The following ADGRG5 variants were observed in gnomAD, a reference collection of about 807,000 sequenced individuals.
ADGRG5 encodes adhesion G protein-coupled receptor G5.
Under a neutral mutation model 53.2 loss-of-function variants are expected in ADGRG5, and 37 were observed. That is an observed-to-expected ratio of 0.70 (90% CI 0.53 to 0.91). The LOEUF (loss-of-function observed/expected upper bound fraction) is 0.91, where lower values mean the gene tolerates loss of function less well. Ranked by LOEUF, ADGRG5 falls within the 40% of genes least tolerant of loss-of-function variation. The probability of loss-of-function intolerance (pLI) is 0.00; values close to 1 mark genes in which losing one functional copy is unlikely to be tolerated. For synonymous variants in ADGRG5, 277 were observed against 290.4 expected (o/e 0.95, Z 0.47); for missense variants, 614 against 675.8 (o/e 0.91, Z 1.01).
At chr16:57,534,890 G>T in the ADGRG5 span, among the ~76,000 whole-genome samples, 2 of 152,224 alleles carry the variant, frequency 1.3e-5, no homozygotes, top group Non-Finnish European at 2.9e-5. Flanking sequence ...ACTGGGAACA[G>T]CGTTGTGTTT....
In ADGRG5 at chr16:57,575,818, C is replaced by G. The variant is rs1271564958; in HGVS notation, c.*280C>G. On this transcript the variant is annotated 3_prime_UTR_variant, in exon 12 of 12. Coordinates refer to ENST00000349457, the MANE Select transcript of ADGRG5 (RefSeq NM_001304376.3). Reference sequence around the variant, plus strand: ...CTCGCCAGGGATGTGGGCAGAGCACCAGCCTGGGCATCAGGAAGCCAAGTT... The same window carrying G: ...CTCGCCAGGGATGTGGGCAGAGCACGAGCCTGGGCATCAGGAAGCCAAGTT... 21 of 418,526 alleles carry G rather than the reference C, an allele frequency of 5.0e-5. 1 individual carries two copies. Among genetic ancestry groups the G allele is most frequent in the Admixed American group, 3.8e-4 (11 of 28,796 alleles). 25.9% of individuals were successfully genotyped at this position (418,526 alleles called of 1,614,324 possible).
the ADGRG5 span, among the ~76,000 whole-genome samples, chr16:57,535,700 T>C: frequency 2.0e-5 from 3 of 148,572 alleles, no homozygotes; most frequent in Admixed American, 1.3e-4. Flanking sequence ...ATCCCGCTAG[T>C]CCCAGCTCCA....
chr16:57,549,429 C>G (rs1297184136), intron 1 of ADGRG5, among the ~76,000 whole-genome samples: 1 of 152,196 alleles, frequency 6.6e-6, no homozygotes, highest in African/African-American at 2.4e-5. Flanking sequence ...TTGTGGCTCT[C>G]CCTCTTGAAG....
chr16:57,563,581 G>C lies in ADGRG5; in HGVS notation c.298-267G>C, dbSNP rs189358830. Among the ~76,000 whole-genome samples, 481 of 152,354 alleles carry C rather than the reference G, an allele frequency of 3.2e-3. 14 individuals carry two copies. The highest frequency in any genetic ancestry group is 0.024 in the Admixed American group (365 of 15,312). ...GGGGTGATCAGCTGGATCCCTGGCA[G>C]GGGCTGGGGCTGGTGCTGGGGCTGG... On this transcript the variant is annotated intron_variant, in intron 4 of 11. Coordinates refer to ENST00000349457, the MANE Select transcript of ADGRG5 (RefSeq NM_001304376.3).
intron 1 of ADGRG5, among the ~76,000 whole-genome samples, chr16:57,553,110 G>GTAT (rs1278420398): frequency 6.6e-6 from 1 of 152,070 alleles, no homozygotes; most frequent in African/African-American, 2.4e-5. Context: ...ACCACAGCAG[G>GTAT]TATAATAATA....
intron 1 of ADGRG5, among the ~76,000 whole-genome samples, chr16:57,546,823 A>G (rs1442670750): frequency 2.0e-5 from 3 of 152,122 alleles, no homozygotes; most frequent in Admixed American, 6.6e-5. Flanking sequence ...GGCTCAAGTG[A>G]TCCTCCCACC....
intron 3 of ADGRG5, 47 bp from the exon 4 acceptor site, chr16:57,563,044 A>AC: frequency 6.2e-7 from 1 of 1,610,010 alleles, no homozygotes; most frequent in Admixed American, 1.7e-5. Context: ...TCTCACCCTT[A>AC]CCCCACTCCG....
At chr16:57,571,136 T>C (rs1324678581) in intron 10 of ADGRG5, among the ~76,000 whole-genome samples, 1 of 152,080 alleles carries the variant, frequency 6.6e-6, no homozygotes, top group Non-Finnish European at 1.5e-5. Context: ...AGACATAGAC[T>C]AGCCTAAGGA....
At chr16:57,566,888 G>T (rs1596791928) in intron 7 of ADGRG5, 137 bp downstream of exon 7, 1 of 742,066 alleles carries the variant, frequency 1.3e-6, no homozygotes, top group East Asian at 3.2e-5. Flanking sequence ...AAAACTTTAT[G>T]GACTCATGTT....
chr16:57,539,124 T>C (rs1326061555), upstream of ADGRG5, among the ~76,000 whole-genome samples: 1 of 152,192 alleles, frequency 6.6e-6, no homozygotes, highest in East Asian at 1.9e-4. Flanking sequence ...ATTATACACA[T>C]AGTGGAATGT....
Position 57,574,961 on chromosome 16 carries a change from C to T in ADGRG5, c.1355C>T (p.Ala452Val). The change falls in exon 11 of 12, where the codon GCC (alanine) becomes GTC (valine). Residue 452 changes from alanine to valine, a missense_variant. Physicochemically the swap from Ala to Val is moderately conservative, Grantham distance 64 (BLOSUM62 0). Coordinates refer to ENST00000349457, the MANE Select transcript of ADGRG5 (RefSeq NM_001304376.3). The surrounding 1 kb of genome is among the most constrained non-coding windows in gnomAD (Gnocchi z 4.4). ...CGGGCGGATGCACCAAGTGTCAGGG[C>T]CTGCCATGACACTGTCACTGTGCTG... is the stretch of plus-strand genomic sequence containing the variant. The part of the protein sequence containing the change: ...RERADAPSVR[A>V]CHDTVTVLGL... 1 of 1,613,768 alleles carries T rather than the reference C, an allele frequency of 6.2e-7. No homozygotes were observed. Among genetic ancestry groups the T allele is most frequent in the South Asian group, 1.1e-5 (1 of 91,084 alleles).
chr16:57,546,238 C>T (rs1055098883), intron 1 of ADGRG5, among the ~76,000 whole-genome samples: 1 of 152,202 alleles, frequency 6.6e-6, no homozygotes, highest in Non-Finnish European at 1.5e-5. Context: ...ATCCTCTCAC[C>T]TCAGCATCCC....
chr16:57,566,774 G>A, intron 7 of ADGRG5, 23 bp downstream of exon 7: 1 of 1,429,454 alleles, frequency 7.0e-7, no homozygotes, highest in Non-Finnish European at 9.2e-7. Flanking sequence ...CCTGAGTGGG[G>A]CTCAGAGCTA....
chr16:57,575,452 C>T lies in ADGRG5; in HGVS notation c.1501C>T (p.Leu501=). ...LNSLYGFFLF[L]WFCSQRCRSE... Reference sequence around the variant, plus strand: ...TTCTCTTGCAGGTTTCTTCCTTTTCCTGTGGTTCTGCTCCCAGCGGTGCCG... The same window carrying T: ...TTCTCTTGCAGGTTTCTTCCTTTTCTTGTGGTTCTGCTCCCAGCGGTGCCG... The change falls in exon 12 of 12, where the codon CTG becomes TTG. Residue 501 remains leucine, a synonymous_variant. Transcript: ENST00000349457. The T allele has an allele frequency of 6.2e-7, 1 of 1,614,140 alleles. No homozygotes were observed. The highest frequency in any genetic ancestry group is 8.5e-7 in the Non-Finnish European group (1 of 1,179,962).
chr16:57,575,727 A>G lies in ADGRG5; in HGVS notation c.*189A>G. On this transcript the variant is annotated 3_prime_UTR_variant, in exon 12 of 12. Coordinates refer to ENST00000349457, the MANE Select transcript of ADGRG5 (RefSeq NM_001304376.3). ...AGGCATTGCTCTACCTCTCCCTGAC[A>G]TTTTGCTCCGGGGCAGATCCAACCT... 1.7e-6 allele frequency: 1 copy of G among 573,540 alleles called. No homozygotes were observed. The highest frequency in any genetic ancestry group is 3.1e-6 in the Non-Finnish European group (1 of 320,782). 35.5% of individuals were successfully genotyped at this position (573,540 alleles called of 1,614,324 possible).
chr16:57,530,909 G>T, the ADGRG5 span, among the ~76,000 whole-genome samples: 1 of 151,780 alleles, frequency 6.6e-6, no homozygotes, highest in Non-Finnish European at 1.5e-5. Context: ...CCCTGTGACG[G>T]TGTGCCCTCT....
chr16:57,570,224 G>A (rs147198379), intron 9 of ADGRG5, among the ~76,000 whole-genome samples, 194 bp from the exon 10 acceptor site: 9 of 152,254 alleles, frequency 5.9e-5, no homozygotes, highest in East Asian at 1.9e-4. Flanking sequence ...TCGTAGAGCC[G>A]TCACTAACAT....
intron 1 of ADGRG5, among the ~76,000 whole-genome samples, chr16:57,556,156 A>T (rs1231040686): frequency 6.6e-6 from 1 of 152,164 alleles, no homozygotes; most frequent in Admixed American, 6.5e-5. Context: ...TATGATTGGT[A>T]TATCTTTTTT....
chr16:57,556,250 A>G (rs2032880875), intron 1 of ADGRG5, among the ~76,000 whole-genome samples: 2 of 152,138 alleles, frequency 1.3e-5, no homozygotes, highest in Admixed American at 6.6e-5. Context: ...TTTTGCTTTT[A>G]TAATCCAGTC....
Sources: allele counts gnomAD v4.1 joint callset (sites outside exome capture counted in the v4.1 genomes callset), GRCh38; gene constraint gnomAD v4.1.1; non-coding constraint Gnocchi (gnomAD v3.1); transcripts MANE v1.5; gene names NCBI Gene and HGNC (gene_info 2026-07-23, HGNC 2026-07-21).